The following CNTNAP2 variants were observed in gnomAD, a reference collection of about 807,000 sequenced individuals.
The protein encoded by CNTNAP2 is contactin associated protein 2.
Under a neutral mutation model 155.2 loss-of-function variants are expected in CNTNAP2, and 98 were observed. That is an observed-to-expected ratio of 0.63 (90% CI 0.54 to 0.75). The LOEUF is 0.75. CNTNAP2 is among the 30% of genes least tolerant of loss of function. The pLI is 0.00. For missense variants in CNTNAP2, 1,727 were observed against 1,688.1 expected, an observed-to-expected ratio of 1.02 and a Z score of -0.40; for synonymous variants, 651 against 631.2, an observed-to-expected ratio of 1.03 and a Z score of -0.47.
At chr7:146,721,301 A>AC (rs1801301096) in intron 1 of CNTNAP2, among the ~76,000 whole-genome samples, 1 of 105,082 alleles carries the variant, frequency 9.5e-6, no homozygotes, top group African/African-American at 4.1e-5. Flanking sequence ...TATTCTATAT[A>AC]TGTATTCTAT....
chr7:146,798,215 C>A (rs1245663409), intron 2 of CNTNAP2, among the ~76,000 whole-genome samples: 1 of 151,658 alleles, frequency 6.6e-6, no homozygotes, highest in Admixed American at 6.6e-5. Context: ...GAGGCAGAGG[C>A]TGCAGTGAGT....
intron 1 of CNTNAP2, among the ~76,000 whole-genome samples, chr7:146,773,125 A>G (rs1802325889): frequency 1.3e-5 from 2 of 152,148 alleles, no homozygotes; most frequent in African/African-American, 4.8e-5. Flanking sequence ...AGTCCTGGCC[A>G]CGTTAACATT....
chr7:147,382,692 T>C (rs1796555826), intron 9 of CNTNAP2, among the ~76,000 whole-genome samples: 1 of 152,142 alleles, frequency 6.6e-6, no homozygotes, highest in East Asian at 1.9e-4. Flanking sequence ...GGATAAGGTC[T>C]TTATTAAGGA....
At chr7:147,403,007 A>G (rs958885231) in intron 10 of CNTNAP2, among the ~76,000 whole-genome samples, 4 of 151,796 alleles carry the variant, frequency 2.6e-5, no homozygotes, top group African/African-American at 7.3e-5. Context: ...AAACATCAAC[A>G]CAGAGACCTT....
chr7:148,046,067 C>G (rs760120253), intron 15 of CNTNAP2, among the ~76,000 whole-genome samples: 5 of 152,112 alleles, frequency 3.3e-5, no homozygotes, highest in Non-Finnish European at 7.3e-5. Flanking sequence ...AATATTATTA[C>G]CAAAATATAG....
At position 147,802,730 on chromosome 7, in the gene CNTNAP2, A is replaced by C. The variant is rs1009988728; in HGVS notation, c.2099-100835A>C. On this transcript the variant is annotated intron_variant, in intron 13 of 23. Transcript: ENST00000361727. ...CAGTGAGCCGAGATGGCAGCAGTAC[A>C]GTCCAGCTTCCGCTCGGCATCAGAG... 1.2e-3 allele frequency among the ~76,000 whole-genome samples: 171 copies of C among 142,400 alleles called. 4 individuals carry two copies. Among genetic ancestry groups the C allele is most frequent in the Non-Finnish European group, 2.0e-4 (13 of 65,846 alleles). The allele number at this position is 142,400 out of a possible 152,430, so 93.4% of individuals were successfully genotyped here.
chr7:147,697,269 G>A (rs1006421573), intron 13 of CNTNAP2, among the ~76,000 whole-genome samples: 6 of 151,848 alleles, frequency 4.0e-5, no homozygotes, highest in South Asian at 2.1e-4. Flanking sequence ...TTGTTTATTC[G>A]CTCTGACATG....
chr7:147,537,974 G>A (rs10273288), intron 11 of CNTNAP2, among the ~76,000 whole-genome samples: 73,616 of 151,978 alleles, frequency 0.48, 17,992 homozygotes, highest in East Asian at 0.6. Flanking sequence ...TTCTTCTGAT[G>A]TGAATTTGAA....
chr7:147,635,514 T>A (rs886444441), intron 12 of CNTNAP2, among the ~76,000 whole-genome samples: 28 of 152,246 alleles, frequency 1.8e-4, no homozygotes, highest in African/African-American at 6.7e-4. Context: ...AAGCACTCAA[T>A]AATATTTGTT....
intron 13 of CNTNAP2, among the ~76,000 whole-genome samples, chr7:147,695,846 T>C (rs1289192948): frequency 6.6e-6 from 1 of 152,124 alleles, no homozygotes; most frequent in African/African-American, 2.4e-5. Flanking sequence ...TATATTTACA[T>C]TCTGTTGTTA....
chr7:148,362,303 G>A (rs1381458583), intron 21 of CNTNAP2, among the ~76,000 whole-genome samples: 2 of 152,140 alleles, frequency 1.3e-5, no homozygotes, highest in Admixed American at 1.3e-4. Flanking sequence ...GTCCCCCCAG[G>A]TCCCTCCCTT....
chr7:147,739,973 A>G (rs1584931237), intron 13 of CNTNAP2, among the ~76,000 whole-genome samples: 1 of 152,126 alleles, frequency 6.6e-6, no homozygotes, highest in East Asian at 1.9e-4. Flanking sequence ...TCCTTCACAT[A>G]GTCTTACAGC....
At chr7:148,250,871 G>A (rs1037196192) in intron 20 of CNTNAP2, among the ~76,000 whole-genome samples, 3 of 151,962 alleles carry the variant, frequency 2.0e-5, no homozygotes, top group African/African-American at 4.8e-5. Flanking sequence ...GTTTAGAGTC[G>A]GAGTCTCACT....
rs530780563 is a variant in CNTNAP2, at chr7:146,130,928, G to A, written c.97+13955G>A. On this transcript the variant is annotated intron_variant, in intron 1 of 23. Transcript: ENST00000361727. Reference sequence around the variant, plus strand: ...TCACTATCATTTGAACAGCATAGGGGAACCATCCCTATGATCCAGTCACCC... The same window carrying A: ...TCACTATCATTTGAACAGCATAGGGAAACCATCCCTATGATCCAGTCACCC... 4.6e-4 allele frequency among the ~76,000 whole-genome samples: 70 copies of A among 152,240 alleles called. No individual in the cohort carries two copies. The East Asian group carries it at 8.7e-3, about 19-fold the overall frequency.
chr7:146,448,699 A>T (rs571138835), intron 1 of CNTNAP2, among the ~76,000 whole-genome samples: 6 of 152,210 alleles, frequency 3.9e-5, no homozygotes, highest in African/African-American at 1.2e-4. Context: ...TAGCATAATA[A>T]ATGGATATTG....
intron 13 of CNTNAP2, among the ~76,000 whole-genome samples, chr7:147,888,948 T>G (rs1030413882): frequency 2.0e-5 from 3 of 152,010 alleles, no homozygotes; most frequent in African/African-American, 7.2e-5. Flanking sequence ...TATTGAGCAA[T>G]AAACTTTAAT....
intron 13 of CNTNAP2, among the ~76,000 whole-genome samples, chr7:147,686,394 A>G (rs1001103840): frequency 7.2e-5 from 11 of 152,116 alleles, no homozygotes; most frequent in African/African-American, 2.7e-4. Flanking sequence ...TTAAATTCAA[A>G]ATAAATATCC....
chr7:147,527,508 T>C (rs1799349897), intron 11 of CNTNAP2, among the ~76,000 whole-genome samples: 1 of 152,228 alleles, frequency 6.6e-6, no homozygotes, highest in Non-Finnish European at 1.5e-5. Flanking sequence ...AATGTATACA[T>C]ACTGTATGAA....
rs532290342 is a variant in CNTNAP2, at chr7:146,358,691, G to C, written c.97+241718G>C. ...GAGAGTGTTAACCAGTTTGAAGAGT[G>C]GTCTTTTTCTAATTTCAAAAGAATC... On this transcript the variant is annotated intron_variant, in intron 1 of 23. Transcript: ENST00000361727. 3.3e-5 allele frequency among the ~76,000 whole-genome samples: 5 copies of C among 152,138 alleles called. No homozygotes were observed. In the South Asian group the frequency reaches 8.3e-4, roughly 25 times the overall value.
Sources: allele counts gnomAD v4.1 joint callset (sites outside exome capture counted in the v4.1 genomes callset), GRCh38; gene constraint gnomAD v4.1.1; transcripts MANE v1.5; gene names NCBI Gene and HGNC (gene_info 2026-07-23, HGNC 2026-07-21).